Variants in NALF1 observed in about 807,000 individuals in gnomAD.
The protein encoded by NALF1 is family with sequence similarity 155 member A.
A neutral mutation model predicts 48.4 loss-of-function variants in NALF1; 3 were observed. The ratio of observed to expected loss-of-function variants is 0.06; its 90% CI spans 0.03 to 0.16. The LOEUF is 0.16. Ranked by LOEUF, NALF1 falls within the 10% of genes least tolerant of loss-of-function variation. NALF1 has a pLI of 1.00. For missense variants in NALF1, 526 were observed against 571.5 expected (o/e 0.92, Z 0.81); for synonymous variants, 262 against 245.7 (o/e 1.07, Z -0.62).
chr13:107,750,137 G>A (rs764984736), intron 1 of NALF1, among the ~76,000 whole-genome samples: 3 of 151,930 alleles, frequency 2.0e-5, no homozygotes, highest in African/African-American at 4.8e-5. Flanking sequence ...GCATTGCCTC[G>A]GCCTCACTAA....
intron 1 of NALF1, among the ~76,000 whole-genome samples, chr13:107,763,108 G>A (rs972840025): frequency 1.3e-5 from 2 of 151,052 alleles, no homozygotes; most frequent in African/African-American, 4.9e-5. Context: ...TCATTTTTCT[G>A]GCATTAAACA....
At chr13:107,457,430 A>G (rs1324510444) in intron 1 of NALF1, among the ~76,000 whole-genome samples, 1 of 152,190 alleles carries the variant, frequency 6.6e-6, no homozygotes, top group Non-Finnish European at 1.5e-5. Flanking sequence ...GGTTAAGTGA[A>G]TGTGTGTCTA....
At chr13:107,579,070 A>G (rs1028431661) in intron 1 of NALF1, among the ~76,000 whole-genome samples, 2 of 152,064 alleles carry the variant, frequency 1.3e-5, no homozygotes, top group South Asian at 2.1e-4. Flanking sequence ...TCATGCTAAC[A>G]TTCCATAATC....
At chr13:107,633,496 T>A (rs906935963) in intron 1 of NALF1, among the ~76,000 whole-genome samples, 1 of 151,986 alleles carries the variant, frequency 6.6e-6, no homozygotes, top group African/African-American at 2.4e-5. Context: ...TTTTTGATGC[T>A]AAAATATTAG....
rs572407441 is a variant in NALF1, at chr13:107,411,983, T to C, written c.916-201228A>G. 2.0e-5 allele frequency among the ~76,000 whole-genome samples: 3 copies of C among 152,294 alleles called. No individual in the cohort carries two copies. The South Asian group carries it at 6.2e-4, about 32-fold the overall frequency. On this transcript the variant is annotated intron_variant, in intron 1 of 2. Coordinates refer to ENST00000375915, the MANE Select transcript of NALF1 (RefSeq NM_001080396.3). ...ATGGAGGCCACAAGGTTGACCTCTC[T>C]TTTTCTATATTAGATGAGAAAAAAT...
At chr13:107,638,201 A>ATATATATG (rs372122331) in intron 1 of NALF1, among the ~76,000 whole-genome samples, 2 of 110,832 alleles carry the variant, frequency 1.8e-5, no homozygotes, top group East Asian at 5.2e-4. Context: ...ATATATATAT[A>ATATATATG]TATATAATTT....
intron 1 of NALF1, among the ~76,000 whole-genome samples, chr13:107,748,550 C>A (rs536659169): frequency 6.6e-6 from 1 of 152,228 alleles, no homozygotes; most frequent in South Asian, 2.1e-4. Context: ...TCTCCAGTGT[C>A]CAAAGCACAA....
At chr13:107,225,691 C>T (rs1212259732) in intron 1 of NALF1, among the ~76,000 whole-genome samples, 1 of 152,152 alleles carries the variant, frequency 6.6e-6, no homozygotes, top group Non-Finnish European at 1.5e-5. Context: ...TAAATGCTCA[C>T]TCTGAAAGCT....
chr13:107,193,497 A>G (rs1879324422), intron 2 of NALF1, among the ~76,000 whole-genome samples: 2 of 152,158 alleles, frequency 1.3e-5, no homozygotes, highest in African/African-American at 4.8e-5. Context: ...ATGGCAACAC[A>G]TGTAGGGTAG....
chr13:107,610,291 G>A (rs773921846), intron 1 of NALF1, among the ~76,000 whole-genome samples: 5 of 152,246 alleles, frequency 3.3e-5, no homozygotes, highest in Admixed American at 1.3e-4. Context: ...CACATTGTAC[G>A]AGAAGACTGG....
At chr13:107,212,377 T>C (rs78153588) in intron 1 of NALF1, among the ~76,000 whole-genome samples, 2,143 of 152,328 alleles carry the variant, frequency 0.014, 24 homozygotes, top group Middle Eastern at 0.031. Flanking sequence ...GAATGAGTCT[T>C]CTCGTAACAG....
intron 1 of NALF1, among the ~76,000 whole-genome samples, chr13:107,650,281 A>AG (rs1271469344): frequency 5.9e-5 from 9 of 151,602 alleles, no homozygotes; most frequent in Non-Finnish European, 1.2e-4. Flanking sequence ...CCTGGCCTGA[A>AG]GGGGGCGAGC....
chr13:107,366,843 G>A (rs764474388), intron 1 of NALF1, among the ~76,000 whole-genome samples: 1 of 152,112 alleles, frequency 6.6e-6, no homozygotes, highest in Non-Finnish European at 1.5e-5. Flanking sequence ...AGGTGTTCAC[G>A]TTCATGCTCA....
intron 1 of NALF1, among the ~76,000 whole-genome samples, chr13:107,303,059 G>A (rs925598984): frequency 6.6e-6 from 1 of 152,084 alleles, no homozygotes; most frequent in Admixed American, 6.5e-5. Context: ...ATTTTTTGTT[G>A]TTGTTTGATT....
At chr13:107,295,063 C>G (rs1453037433) in intron 1 of NALF1, among the ~76,000 whole-genome samples, 1 of 151,774 alleles carries the variant, frequency 6.6e-6, no homozygotes, top group African/African-American at 2.4e-5. Context: ...TTGTGTGATG[C>G]TGAAGTTTGG....
intron 1 of NALF1, among the ~76,000 whole-genome samples, chr13:107,832,803 G>C (rs1181278060): frequency 6.6e-6 from 1 of 152,104 alleles, no homozygotes; most frequent in Non-Finnish European, 1.5e-5. Flanking sequence ...CCTTCCTACA[G>C]TGCTGCTGTC....
chr13:107,667,069 T>C (rs1880878055), intron 1 of NALF1, among the ~76,000 whole-genome samples: 2 of 152,094 alleles, frequency 1.3e-5, no homozygotes, highest in African/African-American at 4.8e-5. Context: ...CAAATAATTA[T>C]ACTCGTGCAT....
intron 1 of NALF1, among the ~76,000 whole-genome samples, chr13:107,742,448 CT>C (rs1876667331): frequency 6.6e-6 from 1 of 152,134 alleles, no homozygotes. Context: ...CCATGTTGTT[CT>C]AGTAATCCTG....
At chr13:107,725,686 CA>C (rs1262849129) in intron 1 of NALF1, among the ~76,000 whole-genome samples, 4,563 of 95,794 alleles carry the variant, frequency 0.048, 198 homozygotes, top group African/African-American at 0.13. Context: ...CTCTGTCTCT[CA>C]AAAAAAAAAA....
Sources: allele counts gnomAD v4.1 joint callset (sites outside exome capture counted in the v4.1 genomes callset), GRCh38; gene constraint gnomAD v4.1.1; transcripts MANE v1.5; gene names NCBI Gene and HGNC (gene_info 2026-07-23, HGNC 2026-07-21).